MRPL34: variants seen among roughly 807,000 people sequenced by gnomAD.
MRPL34 encodes mitochondrial ribosomal protein L34.
A neutral mutation model predicts 6.7 loss-of-function variants in MRPL34; 8 were observed. That is an observed-to-expected ratio of 1.20 (90% CI 0.70 to 2.16). MRPL34 has a LOEUF of 2.16. Among genes scored for constraint, MRPL34 ranks in the 30% most tolerant of loss-of-function variants. The pLI, the probability that MRPL34 is intolerant of heterozygous loss-of-function variation, is 0.00. For missense variants in MRPL34, 146 were observed against 125.5 expected (o/e 1.16, Z -0.78); for synonymous variants, 59 against 55.1 (o/e 1.07, Z -0.31).
chr19:17,292,573 A>C (rs2074075455), upstream of MRPL34: 28 of 1,377,400 alleles, frequency 2.0e-5, no homozygotes, highest in Non-Finnish European at 2.7e-5. Context: ...CGGCCCGCCC[A>C]GGTGGTCTGC....
At chr19:17,301,172 G>A (rs2074115848), upstream of MRPL34, 3 of 1,607,562 alleles carry the variant, frequency 1.9e-6, no homozygotes, top group East Asian at 2.2e-5. Context: ...CTGGCTCGCC[G>A]CCGCCGCCCA....
At chr19:17,299,786 T>C (rs2074109353), upstream of MRPL34, among the ~76,000 whole-genome samples, 1 of 151,962 alleles carries the variant, frequency 6.6e-6, no homozygotes, top group African/African-American at 2.4e-5. Flanking sequence ...ATTAGGATTT[T>C]TGTTTGCTTT....
chr19:17,294,198 A>C, intron 1 of MRPL34: 1 of 1,452,084 alleles, frequency 6.9e-7, no homozygotes, highest in Non-Finnish European at 9.2e-7. Flanking sequence ...ACGCCCACCA[A>C]GCGCTACCAC....
upstream of MRPL34, among the ~76,000 whole-genome samples, chr19:17,300,147 G>A (rs922582162): frequency 4.0e-5 from 6 of 150,164 alleles, no homozygotes; most frequent in Admixed American, 6.6e-5. Flanking sequence ...CTCGTGATCC[G>A]CCCGCCTCAG....
upstream of MRPL34, chr19:17,305,620 G>T: frequency 2.0e-6 from 1 of 503,986 alleles, no homozygotes; most frequent in Non-Finnish European, 3.6e-6. Flanking sequence ...AGCTGACCGC[G>T]GGAGATAATG....
At chr19:17,294,215 C>T (rs1431925102) in intron 1 of MRPL34, 5 of 1,525,580 alleles carry the variant, frequency 3.3e-6, no homozygotes, top group African/African-American at 1.4e-5. Flanking sequence ...CCACGCCCCC[C>T]GCAGAGGCCA....
upstream of MRPL34, among the ~76,000 whole-genome samples, chr19:17,301,979 A>G (rs1387351840): frequency 1.3e-5 from 2 of 152,026 alleles, no homozygotes; most frequent in African/African-American, 4.8e-5. Context: ...TTTTTTGTAG[A>G]GATGGGGTTT....
chr19:17,292,845 A>G, exon 1 of MRPL34: 1 of 1,608,342 alleles, frequency 6.2e-7, no homozygotes, highest in Non-Finnish European at 8.5e-7. Context: ...CAGAAGACGC[A>G]GGGCTCAAGG....
chr19:17,306,537 C>G lies in MRPL34; in HGVS notation c.*158C>G. On this transcript the variant is annotated 3_prime_UTR_variant, in exon 2 of 2. Coordinates refer to ENST00000252602, the MANE Select transcript of MRPL34 (RefSeq NM_023937.4). Reference sequence around the variant, plus strand: ...AAGTCTGGATGGGAGCTTGCCAAGTCCCTTTTTAGGCTTTTTAATTAGGAA... The same window carrying G: ...AAGTCTGGATGGGAGCTTGCCAAGTGCCTTTTTAGGCTTTTTAATTAGGAA... The G allele has an allele frequency of 3.1e-6, 2 of 654,046 alleles. No individual in the cohort carries two copies. The highest frequency in any genetic ancestry group is 5.0e-6 in the Non-Finnish European group (2 of 396,768). The allele number at this position is 654,046 out of a possible 1,614,324, so 40.5% of individuals were successfully genotyped here. A position where few individuals can be genotyped will look rare whatever the true frequency, so the allele number is the denominator to read the frequency against.
chr19:17,304,547 C>T (rs1425385718), upstream of MRPL34, among the ~76,000 whole-genome samples: 2 of 152,158 alleles, frequency 1.3e-5, no homozygotes, highest in East Asian at 1.9e-4. Context: ...CACTCACATC[C>T]CCTGGAATTT....
At position 17,294,856 on chromosome 19, in the gene MRPL34, C is replaced by T. The variant is rs537342843; in HGVS notation, c.214+2002C>T. On this transcript the variant is annotated intron_variant, in intron 1 of 2. Coordinates refer to the MRPL34 transcript ENST00000595444. The stretch of plus-strand genomic sequence containing the variant: ...GTGCAGAAAGAGACACTGCCCGGAA[C>T]GGGTGGGGTGATAGGAGGATTGAAG... 7.9e-5 allele frequency: 128 copies of T among 1,611,390 alleles called. No homozygotes were observed. In the Middle Eastern group the frequency reaches 8.3e-4, roughly 10 times the overall value.
intron 1 of MRPL34, among the ~76,000 whole-genome samples, chr19:17,293,980 G>A (rs1286203481): frequency 6.6e-6 from 1 of 152,018 alleles, no homozygotes; most frequent in African/African-American, 2.4e-5. Context: ...ATAGGTCACC[G>A]GTCTCATACA....
At chr19:17,300,709 C>T, upstream of MRPL34, 1 of 1,053,242 alleles carries the variant, frequency 9.5e-7, no homozygotes, top group Non-Finnish European at 1.4e-6. Flanking sequence ...AACTCCCAAC[C>T]TCAGGTGATC....
chr19:17,299,244 C>CCA (rs954817387), upstream of MRPL34, among the ~76,000 whole-genome samples: 4 of 148,068 alleles, frequency 2.7e-5, no homozygotes, highest in African/African-American at 5.0e-5. Context: ...ACCCCCCCCC[C>CCA]ATTCTCTATA....
chr19:17,294,888 G>C, intron 1 of MRPL34: 1 of 1,598,222 alleles, frequency 6.3e-7, no homozygotes, highest in Non-Finnish European at 8.6e-7. Flanking sequence ...GAAGGGAGGC[G>C]GTCAGCAGGA....
chr19:17,306,359 C>A lies in MRPL34; in HGVS notation c.259C>A (p.Arg87Ser), dbSNP rs369390508. ...CATCCTTCGCCGAATGCTCAAGGGC[C>A]GCAAGTCGCTGAGCCATTGAGGATC... ...QVILRRMLKG[R>S]KSLSH Residue 87 changes from arginine to serine, a missense_variant, in exon 2 of 2, where the codon CGC becomes AGC. Transcript: ENST00000252602. 3 of 1,603,438 alleles carry A rather than the reference C, an allele frequency of 1.9e-6. No homozygotes were observed. Among genetic ancestry groups the A allele is most frequent in the Non-Finnish European group, 2.5e-6 (3 of 1,176,526 alleles).
upstream of MRPL34, among the ~76,000 whole-genome samples, chr19:17,302,611 A>C (rs1034236847): frequency 7.2e-5 from 11 of 152,172 alleles, no homozygotes; most frequent in Non-Finnish European, 1.5e-5. Flanking sequence ...TCTGTTTCAT[A>C]GAGGGCCAAG....
intron 1 of MRPL34, chr19:17,294,740 T>C (rs756147430): frequency 1.2e-6 from 2 of 1,614,124 alleles, no homozygotes; most frequent in African/African-American, 2.7e-5. Context: ...TGTTGAAGAT[T>C]GAGCAGAAGC....
At chr19:17,305,575 C>G, upstream of MRPL34, 1 of 338,718 alleles carries the variant, frequency 3.0e-6, no homozygotes, top group South Asian at 2.7e-5. Flanking sequence ...CACCCTCTGC[C>G]GGTCAATAGG....
Sources: gnomAD v4.1 joint callset for allele counts (sites outside exome capture counted in the v4.1 genomes callset) on GRCh38, gnomAD v4.1.1 for gene constraint, MANE v1.5 for transcripts, NCBI Gene and HGNC (gene_info 2026-07-23, HGNC 2026-07-21) for gene names.